The following MAP3K5 variants were observed in gnomAD, a reference collection of about 807,000 sequenced individuals.
MAP3K5 encodes mitogen-activated protein kinase kinase kinase 5, also known as ASK-1.
MAP3K5 carries 56 observed loss-of-function variants against 158.7 expected under a neutral mutation model. The ratio of observed to expected loss-of-function variants is 0.35; its 90% CI spans 0.28 to 0.44. MAP3K5 has a LOEUF of 0.44. Among genes scored for constraint, MAP3K5 ranks in the 20% least tolerant of loss-of-function variants. MAP3K5 has a pLI of 1.00. For missense variants in MAP3K5, 1,294 were observed against 1,674.8 expected, an observed-to-expected ratio of 0.77 and a Z score of 3.97; for synonymous variants, 579 against 601.7, an observed-to-expected ratio of 0.96 and a Z score of 0.55.
At chr6:136,728,553 A>G (rs1233514460) in intron 1 of MAP3K5, among the ~76,000 whole-genome samples, 1 of 152,192 alleles carries the variant, frequency 6.6e-6, no homozygotes, top group Non-Finnish European at 1.5e-5. Flanking sequence ...TTTTAGCTTC[A>G]TCAGCCTCCC....
chr6:136,721,524 G>A (rs1781746743), intron 1 of MAP3K5, among the ~76,000 whole-genome samples: 1 of 152,086 alleles, frequency 6.6e-6, no homozygotes, highest in Admixed American at 6.5e-5. Context: ...ACGAAATTTA[G>A]ATTAGTCTAA....
intron 1 of MAP3K5, among the ~76,000 whole-genome samples, chr6:136,733,162 C>T (rs1782299681): frequency 6.6e-6 from 1 of 152,162 alleles, no homozygotes; most frequent in Non-Finnish European, 1.5e-5. Context: ...CTATGCCCAG[C>T]TAATTCTATT....
At chr6:136,679,701 G>A (rs1408984324) in intron 7 of MAP3K5, among the ~76,000 whole-genome samples, 1 of 152,100 alleles carries the variant, frequency 6.6e-6, no homozygotes, top group Non-Finnish European at 1.5e-5. Context: ...TCCAAAAAAA[G>A]AGAATCACCC....
At chr6:136,684,096 C>T (rs1359013555) in intron 7 of MAP3K5, among the ~76,000 whole-genome samples, 3 of 151,966 alleles carry the variant, frequency 2.0e-5, no homozygotes, top group Non-Finnish European at 2.9e-5. Context: ...CCAGGCATGG[C>T]GGCATACACC....
At chr6:136,756,711 G>A (rs899059111) in intron 1 of MAP3K5, among the ~76,000 whole-genome samples, 2 of 152,144 alleles carry the variant, frequency 1.3e-5, no homozygotes, top group African/African-American at 4.8e-5. Flanking sequence ...ATGCTTAAAG[G>A]CCCTGCCGAT....
At chr6:136,565,114 C>T (rs546760376) in intron 26 of MAP3K5, among the ~76,000 whole-genome samples, 1 of 152,280 alleles carries the variant, frequency 6.6e-6, no homozygotes, top group East Asian at 1.9e-4. Flanking sequence ...TCTTTTAACA[C>T]CTTAAACACC....
At chr6:136,663,196 C>A (rs534755645) in intron 8 of MAP3K5, among the ~76,000 whole-genome samples, 1 of 152,246 alleles carries the variant, frequency 6.6e-6, no homozygotes, top group African/African-American at 2.4e-5. Flanking sequence ...ATGTCTAAAG[C>A]CATACACCTT....
At chr6:136,580,212 G>T in intron 25 of MAP3K5, 89 bp downstream of exon 25, 1 of 876,298 alleles carries the variant, frequency 1.1e-6, no homozygotes, top group Non-Finnish European at 1.9e-6. Flanking sequence ...GGTTTTTAAA[G>T]TACTAAGGTG....
chr6:136,793,059 G>C (rs565901779), upstream of MAP3K5, among the ~76,000 whole-genome samples: 37 of 152,322 alleles, frequency 2.4e-4, 1 homozygote, highest in Admixed American at 2.3e-3. Context: ...AGCGATTACG[G>C]GGTGGCGCAG....
intron 28 of MAP3K5, among the ~76,000 whole-genome samples, chr6:136,559,429 T>C (rs763642594): frequency 6.6e-6 from 1 of 152,114 alleles, no homozygotes; most frequent in Non-Finnish European, 1.5e-5. Flanking sequence ...GCAAAAAGAT[T>C]ACAAGTGACA....
intron 23 of MAP3K5, among the ~76,000 whole-genome samples, chr6:136,589,564 C>T (rs73777939): frequency 0.049 from 7,494 of 152,132 alleles, 620 homozygotes; most frequent in African/African-American, 0.17. Flanking sequence ...CCTCCAAATT[C>T]GTATGTTGAA....
chr6:136,570,481 A>G (rs1774312645), intron 25 of MAP3K5, among the ~76,000 whole-genome samples: 1 of 152,178 alleles, frequency 6.6e-6, no homozygotes, highest in African/African-American at 2.4e-5. Flanking sequence ...CCGGTCCTGT[A>G]ACATCTAGAA....
chr6:136,634,667 A>G (rs1777534838), intron 14 of MAP3K5, among the ~76,000 whole-genome samples: 1 of 150,980 alleles, frequency 6.6e-6, no homozygotes. Context: ...GCAACCTCCA[A>G]CTCCCAGGTT....
chr6:136,761,004 A>C (rs1028771310), intron 1 of MAP3K5, among the ~76,000 whole-genome samples: 4 of 152,064 alleles, frequency 2.6e-5, no homozygotes, highest in African/African-American at 9.7e-5. Flanking sequence ...ACCAGAGAGA[A>C]GCTCCAGAGA....
intron 1 of MAP3K5, among the ~76,000 whole-genome samples, chr6:136,769,257 G>T (rs1784080422): frequency 6.6e-6 from 1 of 152,176 alleles, no homozygotes; most frequent in Non-Finnish European, 1.5e-5. Context: ...GTCACAAAAT[G>T]CCACATATTG....
intron 21 of MAP3K5, among the ~76,000 whole-genome samples, chr6:136,595,309 C>T (rs1342652457): frequency 1.3e-5 from 2 of 152,064 alleles, no homozygotes; most frequent in Admixed American, 1.3e-4. Flanking sequence ...TTCGCCATGT[C>T]GGCCAGGCTG....
At chr6:136,762,739 A>C (rs7765855) in intron 1 of MAP3K5, among the ~76,000 whole-genome samples, 6,006 of 152,236 alleles carry the variant, frequency 0.039, 413 homozygotes, top group African/African-American at 0.14. Context: ...CAGGTGAATT[A>C]AAGCAGTCCA....
intron 1 of MAP3K5, among the ~76,000 whole-genome samples, chr6:136,786,259 A>G (rs1253018385): frequency 2.0e-5 from 3 of 151,804 alleles, no homozygotes; most frequent in Non-Finnish European, 4.4e-5. Context: ...CATGACTGTA[A>G]TCCCAGCTAC....
intron 26 of MAP3K5, 124 bp from the exon 27 acceptor site, chr6:136,562,739 T>C (rs1830571399): frequency 2.0e-6 from 1 of 511,058 alleles, no homozygotes; most frequent in East Asian, 3.5e-5. Context: ...GGCCCAATTA[T>C]AGCTCACTGC....
Sources: gnomAD v4.1 joint callset for allele counts (sites outside exome capture counted in the v4.1 genomes callset) on GRCh38, gnomAD v4.1.1 for gene constraint, MANE v1.5 for transcripts, NCBI Gene and HGNC (gene_info 2026-07-23, HGNC 2026-07-21) for gene names.